The following INTS2 variants were observed in gnomAD, a reference collection of about 807,000 sequenced individuals.
The protein encoded by INTS2 is integrator complex subunit 2, also known as KIAA1287.
A neutral mutation model predicts 139.6 loss-of-function variants in INTS2; 57 were observed. That is an observed-to-expected ratio of 0.41 (90% confidence interval 0.33 to 0.51). The LOEUF (loss-of-function observed/expected upper bound fraction) is 0.51. INTS2 is among the 20% of genes least tolerant of loss of function. The pLI, the probability that INTS2 is intolerant of heterozygous loss-of-function variation, is 0.28. For synonymous variants in INTS2, 473 were observed against 493.4 expected (o/e 0.96, Z 0.55); for missense variants, 1,196 against 1,436.7 (o/e 0.83, Z 2.71).
At chr17:61,903,190 A>G (rs893065086) in intron 9 of INTS2, among the ~76,000 whole-genome samples, 33 of 150,362 alleles carry the variant, frequency 2.2e-4, no homozygotes, top group Middle Eastern at 3.4e-3. Flanking sequence ...AAAAAAAAAA[A>G]AAAGAAAGAA....
intron 13 of INTS2, among the ~76,000 whole-genome samples, chr17:61,892,605 T>C (rs1252719654): frequency 6.6e-6 from 1 of 151,988 alleles, no homozygotes; most frequent in African/African-American, 2.4e-5. Flanking sequence ...CAGACCAGCC[T>C]GGGCAAAATA....
chr17:61,926,571 C>T lies in INTS2; in HGVS notation c.74G>A (p.Cys25Tyr). 1 of 1,613,028 alleles carries T rather than the reference C, an allele frequency of 6.2e-7. No individual in the cohort carries two copies. The highest frequency in any genetic ancestry group is 1.1e-5 in the South Asian group (1 of 90,878). Residue 25 changes from cysteine (C) to tyrosine (Y), a missense_variant, in exon 2 of 25, where the codon TGC becomes TAC. Cys to Tyr is a radical substitution (Grantham distance 194, BLOSUM62 -2). This residue lies in a region of INTS2 where 36 missense variants were observed against 30.1 expected (regional missense o/e 1.19). Coordinates refer to ENST00000251334, the MANE Select transcript of INTS2 (RefSeq NM_001351695.2). ...TTCTGGATCACTTAAAGATGCCAGG[C>T]AAACAACATCCACCTTCTGCATTGC... ...FEAMQKVDVV[C>Y]LASLSDPELR...
chr17:61,906,616 T>G (rs1166442629), intron 8 of INTS2, among the ~76,000 whole-genome samples: 1 of 152,106 alleles, frequency 6.6e-6, no homozygotes, highest in Non-Finnish European at 1.5e-5. Flanking sequence ...TCATGCATAT[T>G]GGAGACATGC....
At chr17:61,904,360 G>C in intron 9 of INTS2, 100 bp downstream of exon 9, 1 of 838,856 alleles carries the variant, frequency 1.2e-6, no homozygotes, top group Non-Finnish European at 1.9e-6. Flanking sequence ...TCCATACCTA[G>C]ACCAGCTTTT....
intron 13 of INTS2, among the ~76,000 whole-genome samples, chr17:61,892,916 T>A (rs1271173662): frequency 7.3e-6 from 1 of 136,812 alleles, no homozygotes; most frequent in Non-Finnish European, 1.5e-5. Context: ...ATAGCACCAC[T>A]GCACTCCAGC....
chr17:61,876,040 T>C lies in INTS2; in HGVS notation c.2457-1002A>G, dbSNP rs886556594. Reference sequence around the variant, plus strand: ...AAAAAATTAGGCAGGCACGGGGGTATGCACCTGTAGTCCAGCTATTTGGGA... The same window carrying C: ...AAAAAATTAGGCAGGCACGGGGGTACGCACCTGTAGTCCAGCTATTTGGGA... On this transcript the variant is annotated intron_variant, in intron 18 of 24. Coordinates refer to ENST00000251334, the MANE Select transcript of INTS2 (RefSeq NM_001351695.2). This position sits in a 1 kb window ranked among gnomAD's most constrained non-coding sequence, Gnocchi z 4.1. 1.3e-5 allele frequency among the ~76,000 whole-genome samples: 2 copies of C among 151,786 alleles called. No individual in the cohort carries two copies. The highest frequency in any genetic ancestry group is 2.9e-5 in the Non-Finnish European group (2 of 67,956).
intron 7 of INTS2, chr17:61,910,687 G>C (rs1424766948): frequency 6.6e-6 from 1 of 151,502 alleles, no homozygotes; most frequent in Non-Finnish European, 1.5e-5. Flanking sequence ...ACTTAAAAAT[G>C]ATTAAATGGC....
chr17:61,885,782 G>A (rs1437909653), intron 15 of INTS2, among the ~76,000 whole-genome samples: 1 of 138,288 alleles, frequency 7.2e-6, no homozygotes, highest in African/African-American at 2.8e-5. Context: ...AGGCTGGAGT[G>A]CAGTGGCGCG....
intron 5 of INTS2, among the ~76,000 whole-genome samples, chr17:61,915,194 C>T (rs528599136): frequency 1.3e-5 from 2 of 151,508 alleles, no homozygotes; most frequent in East Asian, 3.9e-4. Flanking sequence ...AAAAATTAGC[C>T]GGGCATGGTG....
chr17:61,888,673 C>T (rs1024091483), intron 15 of INTS2, among the ~76,000 whole-genome samples: 2 of 151,784 alleles, frequency 1.3e-5, no homozygotes, highest in African/African-American at 4.8e-5. Context: ...CCCAAAGTAC[C>T]AAAGTACTGA....
rs952887095 is a variant in INTS2, at chr17:61,865,872, T to G, written c.*1685A>C. 2.0e-5 allele frequency: 3 copies of G among 152,440 alleles called. No homozygotes were observed. The highest frequency in any genetic ancestry group is 2.9e-5 in the Non-Finnish European group (2 of 68,036). The allele number at this position is 152,440 out of a possible 1,614,324, so 9.4% of individuals were successfully genotyped here. A position where few individuals can be genotyped will look rare whatever the true frequency, so the allele number is the denominator to read the frequency against. ...AGCATCTAATAAAAAGTTATAAATA[T>G]TCTATCACATGTGATACTATGCACT... On this transcript the variant is annotated 3_prime_UTR_variant, in exon 25 of 25. Coordinates refer to ENST00000251334, the MANE Select transcript of INTS2 (RefSeq NM_001351695.2). The surrounding 1 kb of genome is among the most constrained non-coding windows in gnomAD (Gnocchi z 4.8).
chr17:61,888,890 T>C (rs1384396127), intron 15 of INTS2, among the ~76,000 whole-genome samples: 3 of 151,894 alleles, frequency 2.0e-5, no homozygotes, highest in Non-Finnish European at 4.4e-5. Flanking sequence ...CCGGGCGTCG[T>C]AGCAGGCGCC....
In INTS2 at chr17:61,925,079, C is replaced by T. The variant is rs544273535; in HGVS notation, c.314G>A (p.Ser105Asn). 4.3e-6 allele frequency: 7 copies of T among 1,613,664 alleles called. No individual in the cohort carries two copies. The highest frequency in any genetic ancestry group is 2.7e-5 in the African/African-American group (2 of 75,050). ...QQLRHKLGGG[S>N]GESILVSQLQ... The stretch of plus-strand genomic sequence containing the variant: ...CTGTGATACCAGGATGCTCTCTCCA[C>T]TGCCTCCTCCAAGTTTATGCCTAAT... The change falls in exon 3 of 25, where the codon AGT becomes AAT. Residue 105 changes from serine (S) to asparagine (N), a missense_variant. This residue lies in a region of INTS2 where 1,129 missense variants were observed against 1,341.9 expected (regional missense o/e 0.84). Transcript: ENST00000251334.
At chr17:61,898,943 G>A (rs901191943) in intron 9 of INTS2, among the ~76,000 whole-genome samples, 1 of 152,120 alleles carries the variant, frequency 6.6e-6, no homozygotes, top group East Asian at 1.9e-4. Context: ...ACAAGCTGAC[G>A]TTGACTTGTG....
rs1332927339 is a variant in INTS2 at position 61,893,599 on chromosome 17, GC to G, written c.1698+165del. On this transcript the variant is annotated intron_variant, in intron 13 of 24. Coordinates refer to ENST00000251334, the MANE Select transcript of INTS2 (RefSeq NM_001351695.2). This position sits in a 1 kb window ranked among gnomAD's most constrained non-coding sequence, Gnocchi z 5.4. ...AGTCCCAGCTACCTGGGAGGTTGAG[GC>G]AGGAGAATCACTTTAACCCAGGAGG... Among the ~76,000 whole-genome samples the G allele has an allele frequency of 6.6e-6, 1 of 152,130 alleles. No individual in the cohort carries two copies. The highest frequency in any genetic ancestry group is 2.4e-5 in the African/African-American group (1 of 41,404).
At chr17:61,910,245 G>A (rs751365053) in intron 7 of INTS2, 2 of 152,236 alleles carry the variant, frequency 1.3e-5, no homozygotes, top group Non-Finnish European at 2.9e-5. Flanking sequence ...GGATGATAGG[G>A]GGAATGGGGA....
rs55751869 is a variant in INTS2 at position 61,901,577 on chromosome 17, CTTTTTTTTTTTTTT to C, written c.1307+2869_1307+2882del. ...CAAATCCTAAAAGGCAGAATGATTT[CTTTTTTTTTTTTTT>C]TTTTTTTTTTTTTTTTTTTTTTTTC... On this transcript the variant is annotated intron_variant, in intron 9 of 24. Coordinates refer to ENST00000251334, the MANE Select transcript of INTS2 (RefSeq NM_001351695.2). Among the ~76,000 whole-genome samples, 23 of 49,452 alleles carry C rather than the reference CTTTTTTTTTTTTTT, an allele frequency of 4.7e-4. No homozygotes were observed. The East Asian group carries it at 6.8e-3, about 15-fold the overall frequency. The allele number at this position is 49,452 out of a possible 152,430, so 32.4% of individuals were successfully genotyped here.
intron 11 of INTS2, among the ~76,000 whole-genome samples, chr17:61,896,465 T>G (rs1476665469): frequency 6.6e-6 from 1 of 152,084 alleles, no homozygotes; most frequent in Non-Finnish European, 1.5e-5. Context: ...TCATATTACA[T>G]GTCAACTGTA....
intron 15 of INTS2, among the ~76,000 whole-genome samples, chr17:61,889,118 C>A (rs2079262868): frequency 6.7e-6 from 1 of 148,852 alleles, no homozygotes; most frequent in Admixed American, 6.7e-5. Context: ...GACACAGTCT[C>A]ACTCTGTCCA....
Sources: gnomAD v4.1 joint callset for allele counts (sites outside exome capture counted in the v4.1 genomes callset) on GRCh38, gnomAD v4.1.1 for gene constraint, gnomAD v4.1.1 regional missense constraint, Gnocchi (gnomAD v3.1) non-coding constraint, MANE v1.5 for transcripts, NCBI Gene and HGNC (gene_info 2026-07-23, HGNC 2026-07-21) for gene names.